Variants in PCDH15 observed in about 807,000 individuals in gnomAD.
PCDH15 encodes protocadherin-15.
PCDH15 carries 129 observed loss-of-function variants against 178.5 expected under a neutral mutation model. The observed-to-expected ratio is 0.72, with a 90% CI of 0.63 to 0.84. PCDH15 has a LOEUF of 0.84. Among genes scored for constraint, PCDH15 ranks in the 40% least tolerant of loss-of-function variants. PCDH15 has a pLI of 0.00. For missense variants in PCDH15, 2,230 were observed against 2,099.9 expected (o/e 1.06, Z -1.21); for synonymous variants, 800 against 732.0 (o/e 1.09, Z -1.50).
intron 2 of PCDH15, among the ~76,000 whole-genome samples, chr10:55,415,238 T>G (rs1300363733): frequency 6.6e-6 from 1 of 151,712 alleles, no homozygotes; most frequent in Non-Finnish European, 1.5e-5. Flanking sequence ...ACATAAACCT[T>G]GTATTCCAGA....
At chr10:54,801,771 T>C (rs1311779406), upstream of PCDH15, among the ~76,000 whole-genome samples, 1 of 152,162 alleles carries the variant, frequency 6.6e-6, no homozygotes, top group East Asian at 1.9e-4. Context: ...ACTCTTTAGA[T>C]TTTTACAAAC....
At chr10:54,673,496 T>A (rs996589063) in intron 1 of PCDH15, among the ~76,000 whole-genome samples, 1 of 152,170 alleles carries the variant, frequency 6.6e-6, no homozygotes, top group African/African-American at 2.4e-5. Context: ...TGGAGTGCAA[T>A]GGCATGATCT....
In PCDH15 at chr10:54,696,836, A is replaced by T. The variant is rs567669021; in HGVS notation, c.-28-32546T>A. ...ACTTTTAACAAGTTAAAGTAAAATG[A>T]TGTGATTATAAGTTAAGTCATTGCA... On this transcript the variant is annotated intron_variant, in intron 1 of 37. Transcript: ENST00000644397. Among the ~76,000 whole-genome samples, 3 of 152,220 alleles carry T rather than the reference A, an allele frequency of 2.0e-5. No individual in the cohort carries two copies. The South Asian group carries it at 6.2e-4, about 32-fold the overall frequency.
At chr10:54,218,030 G>A (rs1304488686) in intron 9 of PCDH15, among the ~76,000 whole-genome samples, 3 of 152,118 alleles carry the variant, frequency 2.0e-5, no homozygotes, top group Non-Finnish European at 4.4e-5. Flanking sequence ...GTTTACGAGT[G>A]TTGCAAAATA....
At chr10:53,821,680 ATGAG>A (rs1355615893) in intron 32 of PCDH15, 14 of 1,383,520 alleles carry the variant, frequency 1.0e-5, no homozygotes, top group Non-Finnish European at 1.2e-5. Flanking sequence ...AATCTATTAT[ATGAG>A]TGAGTTAGTA....
chr10:54,780,818 C>T (rs1190681120), intron 1 of PCDH15, among the ~76,000 whole-genome samples: 2 of 151,154 alleles, frequency 1.3e-5, no homozygotes, highest in Non-Finnish European at 2.9e-5. Flanking sequence ...TATTTGGTAG[C>T]TTCCTTAATC....
intron 20 of PCDH15, among the ~76,000 whole-genome samples, chr10:53,997,456 C>T (rs1911414): frequency 6.6e-6 from 1 of 151,826 alleles, no homozygotes; most frequent in Non-Finnish European, 1.5e-5. Flanking sequence ...TCTGAAGGTT[C>T]GAAAGGAAGG....
At chr10:55,247,219 T>C (rs1217988425) in intron 1 of PCDH15, among the ~76,000 whole-genome samples, 2 of 152,204 alleles carry the variant, frequency 1.3e-5, no homozygotes, top group Non-Finnish European at 2.9e-5. Context: ...TTCAACACTT[T>C]GTTTAAACTC....
At chr10:54,018,839 C>T (rs1290874476) in intron 20 of PCDH15, among the ~76,000 whole-genome samples, 1 of 151,974 alleles carries the variant, frequency 6.6e-6, no homozygotes, top group Non-Finnish European at 1.5e-5. Flanking sequence ...AACTTGATAT[C>T]TATAGTCACT....
At chr10:54,855,603 C>T (rs964882842) in intron 3 of PCDH15, among the ~76,000 whole-genome samples, 3 of 152,186 alleles carry the variant, frequency 2.0e-5, no homozygotes, top group Admixed American at 2.0e-4. Context: ...GTGAATATCA[C>T]AAATATAGTA....
chr10:54,506,468 G>T (rs921530808), intron 3 of PCDH15, among the ~76,000 whole-genome samples: 32 of 151,886 alleles, frequency 2.1e-4, no homozygotes, highest in African/African-American at 7.2e-4. Flanking sequence ...TATAAAAATG[G>T]AACAAAGTAT....
chr10:54,332,550 G>T (rs1378634221), intron 6 of PCDH15, among the ~76,000 whole-genome samples: 2 of 149,878 alleles, frequency 1.3e-5, no homozygotes, highest in Admixed American at 6.8e-5. Context: ...ATTTCTCTGT[G>T]TACTAATCTT....
intron 2 of PCDH15, among the ~76,000 whole-genome samples, chr10:55,150,259 C>T (rs953616311): frequency 6.6e-6 from 1 of 152,044 alleles, no homozygotes; most frequent in Non-Finnish European, 1.5e-5. Context: ...AAAAACAAAA[C>T]ATGTTTTAAT....
intron 2 of PCDH15, among the ~76,000 whole-genome samples, chr10:55,074,262 G>A (rs1017351674): frequency 6.6e-6 from 1 of 152,040 alleles, no homozygotes; most frequent in Non-Finnish European, 1.5e-5. Context: ...GGTATTTCTG[G>A]TTCTAGGTCT....
chr10:54,517,525 T>C (rs897317278), intron 3 of PCDH15, among the ~76,000 whole-genome samples: 113 of 152,166 alleles, frequency 7.4e-4, no homozygotes, highest in Admixed American at 1.5e-3. Flanking sequence ...CCTAAATATA[T>C]ATGCACCCAA....
intron 2 of PCDH15, among the ~76,000 whole-genome samples, chr10:55,425,437 A>G (rs2132050380): frequency 6.6e-6 from 1 of 152,208 alleles, no homozygotes; most frequent in South Asian, 2.1e-4. Context: ...ATAATTAGAG[A>G]CTTTCTAAAA....
At chr10:54,157,204 C>G (rs1231450966) in intron 13 of PCDH15, among the ~76,000 whole-genome samples, 1 of 152,234 alleles carries the variant, frequency 6.6e-6, no homozygotes, top group Non-Finnish European at 1.5e-5. Context: ...GGCTCTGACT[C>G]TGCATTTCCC....
At chr10:55,141,250 A>T (rs1335660809) in intron 2 of PCDH15, among the ~76,000 whole-genome samples, 1 of 152,042 alleles carries the variant, frequency 6.6e-6, no homozygotes, top group African/African-American at 2.4e-5. Flanking sequence ...TCTCATCTTT[A>T]TAACTTTTTC....
At chr10:53,874,530 G>A (rs11003901) in intron 26 of PCDH15, among the ~76,000 whole-genome samples, 11,502 of 152,072 alleles carry the variant, frequency 0.076, 1,239 homozygotes, top group African/African-American at 0.23. Flanking sequence ...CACCTGAATG[G>A]ACAGAAAAAC....
Sources: allele counts gnomAD v4.1 joint callset (sites outside exome capture counted in the v4.1 genomes callset), GRCh38; gene constraint gnomAD v4.1.1; transcripts MANE v1.5; gene names NCBI Gene and HGNC (gene_info 2026-07-23, HGNC 2026-07-21).